SH3BGR: variants seen among roughly 807,000 people sequenced by gnomAD.
SH3BGR encodes the protein SH3 domain binding glutamate rich protein, also known as SH3 domain-binding glutamic acid-rich protein.
A neutral mutation model predicts 24.5 loss-of-function variants in SH3BGR; 29 were observed. The observed-to-expected ratio is 1.18, with a 90% CI of 0.88 to 1.61. The LOEUF is 1.61. Ranked by LOEUF, SH3BGR falls within the 40% of genes most tolerant of loss-of-function variation. The pLI is 0.00. For missense variants in SH3BGR, 162 were observed against 205.8 expected (o/e 0.79, Z 1.30); for synonymous variants, 55 against 65.7 (o/e 0.84, Z 0.79).
rs765971357 is a variant in SH3BGR at position 39,515,156 on chromosome 21, T to C, written c.*103T>C. ...ACCAAACTCAACAGAATACTTTGGCTTGAAGCCGGCACACCCAGGGTTACT... is the reference window on the plus strand; with the variant it reads ...ACCAAACTCAACAGAATACTTTGGCCTGAAGCCGGCACACCCAGGGTTACT... On this transcript the variant is annotated 3_prime_UTR_variant, in exon 7 of 7. Coordinates refer to ENST00000333634, the MANE Select transcript of SH3BGR (RefSeq NM_007341.3). 62 of 469,600 alleles carry C rather than the reference T, an allele frequency of 1.3e-4. 1 individual carries two copies. Among genetic ancestry groups the C allele is most frequent in the South Asian group, 9.5e-4 (61 of 63,882 alleles). The allele number at this position is 469,600 out of a possible 1,614,324, so 29.1% of individuals were successfully genotyped here.
At chr21:39,461,135 ATTT>A (rs56088801) in intron 1 of SH3BGR, among the ~76,000 whole-genome samples, 17 of 126,964 alleles carry the variant, frequency 1.3e-4, no homozygotes, top group Middle Eastern at 4.3e-3. Context: ...AGTTTTGTAG[ATTT>A]TTTTTTTTTT....
At chr21:39,457,377 A>G (rs990633487) in intron 1 of SH3BGR, among the ~76,000 whole-genome samples, 3 of 143,238 alleles carry the variant, frequency 2.1e-5, no homozygotes, top group Non-Finnish European at 4.5e-5. Context: ...ATATAAGATT[A>G]TTATATATTA....
intron 3 of SH3BGR, among the ~76,000 whole-genome samples, chr21:39,485,391 C>T (rs1345568685): frequency 6.6e-6 from 1 of 152,164 alleles, no homozygotes; most frequent in Non-Finnish European, 1.5e-5. Context: ...ACAAGTGATT[C>T]ATTTCAGCTT....
intron 1 of SH3BGR, chr21:39,446,166 GATT>G (rs74508637): frequency 2.3e-5 from 2 of 86,428 alleles, no homozygotes; most frequent in African/African-American, 6.8e-5. Context: ...TCATAAAGAC[GATT>G]TTTTTTTTTT....
chr21:39,484,999 G>A (rs746855231), intron 3 of SH3BGR, among the ~76,000 whole-genome samples: 1 of 152,174 alleles, frequency 6.6e-6, no homozygotes, highest in East Asian at 1.9e-4. Context: ...CTCATAAAAC[G>A]TATCATCATA....
At chr21:39,488,797 C>T in intron 3 of SH3BGR, 1 of 293,850 alleles carries the variant, frequency 3.4e-6, no homozygotes, top group Non-Finnish European at 6.9e-6. Flanking sequence ...TGCTGAGTAG[C>T]TGGGCACATT....
chr21:39,510,331 C>A (rs1240335850), intron 5 of SH3BGR, among the ~76,000 whole-genome samples: 1 of 151,388 alleles, frequency 6.6e-6, no homozygotes, highest in African/African-American at 2.4e-5. Context: ...TAGCTTTTAA[C>A]CCTCGTTACC....
intron 6 of SH3BGR, among the ~76,000 whole-genome samples, chr21:39,512,395 A>G (rs1441383891): frequency 6.6e-6 from 1 of 152,224 alleles, no homozygotes; most frequent in Non-Finnish European, 1.5e-5. Context: ...AACATGGTGA[A>G]GTCCCTTTAG....
At chr21:39,494,251 C>CTTT (rs143867801) in intron 3 of SH3BGR, among the ~76,000 whole-genome samples, 100 of 138,498 alleles carry the variant, frequency 7.2e-4, no homozygotes, top group African/African-American at 2.4e-3. Flanking sequence ...TCTTCTTCTT[C>CTTT]TTTTTTTTTT....
Position 39,515,189 on chromosome 21 carries a change from T to C in SH3BGR, c.*136T>C, listed in dbSNP as rs2078760324. On this transcript the variant is annotated 3_prime_UTR_variant, in exon 7 of 7. Coordinates refer to ENST00000333634, the MANE Select transcript of SH3BGR (RefSeq NM_007341.3). ...GGCACACCCAGGGTTACTGAGGACT[T>C]ATGCTGCCTGACCTGGTTAGATGTA... The C allele has an allele frequency of 2.1e-6, 1 of 466,582 alleles. No individual in the cohort carries two copies. The highest frequency in any genetic ancestry group is 1.6e-5 in the South Asian group (1 of 62,934). The allele number at this position is 466,582 out of a possible 1,614,324, so 28.9% of individuals were successfully genotyped here.
chr21:39,476,160 A>G (rs888539458), intron 3 of SH3BGR, among the ~76,000 whole-genome samples: 1 of 152,182 alleles, frequency 6.6e-6, no homozygotes, highest in African/African-American at 2.4e-5. Context: ...CTGGAAGATG[A>G]GAAACCAGTT....
Position 39,511,957 on chromosome 21 carries a change from C to T in SH3BGR, c.*34+148C>T, listed in dbSNP as rs1459876986. On this transcript the variant is annotated intron_variant, in intron 6 of 6. Coordinates refer to ENST00000333634, the MANE Select transcript of SH3BGR (RefSeq NM_007341.3). The surrounding 1 kb of genome is among the most constrained non-coding windows in gnomAD (Gnocchi z 4.2). ...AGCCCTGGTCTGCACACCTTTCTGG[C>T]GGGGTCCAGCTCCTTTCTAGAGCTG... 5.0e-5 allele frequency: 34 copies of T among 685,854 alleles called. No individual in the cohort carries two copies. In the Admixed American group the frequency reaches 9.9e-4, roughly 20 times the overall value. The allele number at this position is 685,854 out of a possible 1,614,324, so 42.5% of individuals were successfully genotyped here. A position where few individuals can be genotyped will look rare whatever the true frequency, so the allele number is the denominator to read the frequency against.
chr21:39,464,200 A>G (rs913559525), intron 2 of SH3BGR, among the ~76,000 whole-genome samples: 1 of 152,052 alleles, frequency 6.6e-6, no homozygotes, highest in African/African-American at 2.4e-5. Context: ...TTACAACTAC[A>G]AAGATCCTAT....
chr21:39,480,465 C>T (rs1269467004), intron 3 of SH3BGR, among the ~76,000 whole-genome samples: 1 of 152,208 alleles, frequency 6.6e-6, no homozygotes, highest in African/African-American at 2.4e-5. Flanking sequence ...TTGTGACTGG[C>T]TTCTTTCACT....
intron 3 of SH3BGR, among the ~76,000 whole-genome samples, chr21:39,492,466 G>GTGTGTGTGTGTATATATA (rs1404293146): frequency 7.2e-6 from 1 of 139,730 alleles, no homozygotes; most frequent in African/African-American, 2.9e-5. Context: ...GTGTGTGTGT[G>GTGTGTGTGTGTATATATA]TATATATATA....
intron 1 of SH3BGR, among the ~76,000 whole-genome samples, chr21:39,457,326 A>G (rs1435962092): frequency 1.4e-5 from 2 of 143,088 alleles, no homozygotes; most frequent in South Asian, 2.1e-4. Flanking sequence ...TATTATATAT[A>G]AGATTATTAT....
intron 6 of SH3BGR, among the ~76,000 whole-genome samples, chr21:39,513,832 A>T (rs549858136): frequency 1.7e-4 from 26 of 152,258 alleles, no homozygotes; most frequent in African/African-American, 6.3e-4. Flanking sequence ...GTTTAAATCC[A>T]TGTCTGTTCA....
At position 39,471,622 on chromosome 21, in the gene SH3BGR, A is replaced by G. The variant is rs141564882; in HGVS notation, c.232-3513A>G. 5.8e-3 allele frequency among the ~76,000 whole-genome samples: 870 copies of G among 150,482 alleles called. 10 individuals carry two copies. Among genetic ancestry groups the G allele is most frequent in the African/African-American group, 0.02 (797 of 40,436 alleles). ...TTGTTGTTTGTTTGTTTGTTTGTTT[A>G]TTTATTTATTATTTTTAAAAATAGA... On this transcript the variant is annotated intron_variant, in intron 2 of 6. Coordinates refer to ENST00000333634, the MANE Select transcript of SH3BGR (RefSeq NM_007341.3).
At chr21:39,483,613 AC>A (rs1306502652) in intron 3 of SH3BGR, among the ~76,000 whole-genome samples, 1 of 152,208 alleles carries the variant, frequency 6.6e-6, no homozygotes, top group African/African-American at 2.4e-5. Context: ...AAGATTTTTA[AC>A]GTTTTCCCAG....
Sources: gnomAD v4.1 joint callset for allele counts (sites outside exome capture counted in the v4.1 genomes callset) on GRCh38, gnomAD v4.1.1 for gene constraint, Gnocchi (gnomAD v3.1) non-coding constraint, MANE v1.5 for transcripts, NCBI Gene and HGNC (gene_info 2026-07-23, HGNC 2026-07-21) for gene names.